The following COL23A1 variants were observed in gnomAD, a reference collection of about 807,000 sequenced individuals.
The protein encoded by COL23A1 is collagen alpha-1(XXIII) chain.
A neutral mutation model predicts 99.3 loss-of-function variants in COL23A1; 97 were observed. The observed-to-expected ratio is 0.98, with a 90% CI of 0.83 to 1.16. The LOEUF (loss-of-function observed/expected upper bound fraction) is 1.16. Among genes scored for constraint, COL23A1 ranks in the 50% most tolerant of loss-of-function variants. COL23A1 has a pLI of 0.00. For missense variants in COL23A1, 762 were observed against 757.4 expected (o/e 1.01, Z -0.07); for synonymous variants, 320 against 308.2 (o/e 1.04, Z -0.40).
Position 178,238,661 on chromosome 5 carries a change from C to G in COL23A1, c.*37G>C, listed in dbSNP as rs199586986. ...TGTTTTTACAAAAATTAAAAATGTC[C>G]ACACGGATCTGTACAGGTGTGAGCT... On this transcript the variant is annotated 3_prime_UTR_variant, in exon 29 of 29. Coordinates refer to ENST00000390654, the MANE Select transcript of COL23A1 (RefSeq NM_173465.4). The G allele has an allele frequency of 6.5e-5, 104 of 1,611,464 alleles. No individual in the cohort carries two copies. The African/African-American group carries it at 1.3e-3, about 20-fold the overall frequency.
At chr5:178,239,235 C>T (rs1382661713) in intron 27 of COL23A1, 56 bp from the exon 28 acceptor site, 10 of 1,582,590 alleles carry the variant, frequency 6.3e-6, no homozygotes, top group Non-Finnish European at 8.7e-6. Flanking sequence ...CTCCTCTACA[C>T]CCCACATGCC....
At chr5:178,398,039 A>C (rs1392953798) in intron 2 of COL23A1, among the ~76,000 whole-genome samples, 1 of 152,216 alleles carries the variant, frequency 6.6e-6, no homozygotes, top group East Asian at 1.9e-4. Context: ...ATGCTGTAAC[A>C]CTGCCTGGGT....
chr5:178,567,794 AGAAT>A (rs1181235742), intron 1 of COL23A1, among the ~76,000 whole-genome samples: 5 of 152,240 alleles, frequency 3.3e-5, no homozygotes, highest in African/African-American at 1.2e-4. Context: ...TATAACGCAA[AGAAT>A]AAATTAAATA....
intron 2 of COL23A1, among the ~76,000 whole-genome samples, chr5:178,537,431 C>A (rs544255745): frequency 6.6e-6 from 1 of 152,182 alleles, no homozygotes; most frequent in Non-Finnish European, 1.5e-5. Context: ...GAAGGGCAAG[C>A]GATATTTCCT....
rs1763751778 is a variant in COL23A1 at position 178,387,784 on chromosome 5, G to T, written c.362-80865C>A. 6.6e-6 allele frequency among the ~76,000 whole-genome samples: 1 copy of T among 152,230 alleles called. No individual in the cohort carries two copies. Among genetic ancestry groups the T allele is most frequent in the Non-Finnish European group, 1.5e-5 (1 of 68,026 alleles). Reference sequence around the variant, plus strand: ...GACAGTGTGGGCCATTTTCCCCCGCGCTGTGCTTGCGGAGTTTCCCACTCC... The same window carrying T: ...GACAGTGTGGGCCATTTTCCCCCGCTCTGTGCTTGCGGAGTTTCCCACTCC... On this transcript the variant is annotated intron_variant, in intron 2 of 28. Transcript: ENST00000390654. The surrounding 1 kb of genome is among the most constrained non-coding windows in gnomAD (Gnocchi z 4.7).
In COL23A1 at chr5:178,290,226, C is replaced by A. The variant is rs1445000651; in HGVS notation, c.414+136G>T. ...GGATTCCAGGCGTGAGCCACCGCACCTGGCCACTTTTTAATAGGACTGATG... is the reference window on the plus strand; with the variant it reads ...GGATTCCAGGCGTGAGCCACCGCACATGGCCACTTTTTAATAGGACTGATG... On this transcript the variant is annotated intron_variant, in intron 4 of 28. Transcript: ENST00000390654. 1.5e-5 allele frequency: 19 copies of A among 1,263,924 alleles called. No individual in the cohort carries two copies. In the Admixed American group the frequency reaches 2.5e-4, roughly 17 times the overall value. The allele number at this position is 1,263,924 out of a possible 1,614,324, so 78.3% of individuals were successfully genotyped here. A position where few individuals can be genotyped will look rare whatever the true frequency, so the allele number is the denominator to read the frequency against.
intron 2 of COL23A1, among the ~76,000 whole-genome samples, chr5:178,433,098 C>T (rs2127822168): frequency 6.6e-6 from 1 of 152,068 alleles, no homozygotes. Flanking sequence ...ACCAGAAGTC[C>T]CACAGTTCAG....
intron 16 of COL23A1, 104 bp downstream of exon 16, chr5:178,254,845 T>G (rs955610738): frequency 3.0e-6 from 3 of 993,950 alleles, no homozygotes; most frequent in Non-Finnish European, 4.7e-6. Flanking sequence ...AAGCTGCCTC[T>G]GGTCCCTTGT....
At position 178,453,946 on chromosome 5, in the gene COL23A1, G is replaced by A. The variant is rs115474602; in HGVS notation, c.361+106736C>T. On this transcript the variant is annotated intron_variant, in intron 2 of 28. Transcript: ENST00000390654. ...CAGGGCCTTTGGTCTAGGAGCAGGGGTATAGATATTGTGGCCAAAGTTTGT... is the reference window on the plus strand; with the variant it reads ...CAGGGCCTTTGGTCTAGGAGCAGGGATATAGATATTGTGGCCAAAGTTTGT... Among the ~76,000 whole-genome samples, 1,171 of 152,232 alleles carry A rather than the reference G, an allele frequency of 7.7e-3. 7 individuals are homozygous for A. Among genetic ancestry groups the A allele is most frequent in the Middle Eastern group, 0.014 (4 of 294 alleles).
chr5:178,543,658 G>A lies in COL23A1; in HGVS notation c.361+17024C>T, dbSNP rs972168910. On this transcript the variant is annotated intron_variant, in intron 2 of 28. Transcript: ENST00000390654. ...GGCGGAGGCAGATACCAGTACACCT[G>A]GGCCTGCATCTCTCAGCTCCTCCTC... Among the ~76,000 whole-genome samples the A allele has an allele frequency of 5.3e-5, 8 of 152,102 alleles. No homozygotes were observed. The East Asian group carries it at 9.6e-4, about 18-fold the overall frequency.
Position 178,366,072 on chromosome 5 carries a change from G to A in COL23A1, c.362-59153C>T, listed in dbSNP as rs2127713181. Among the ~76,000 whole-genome samples the A allele has an allele frequency of 6.6e-6, 1 of 152,278 alleles. No homozygotes were observed. The highest frequency in any genetic ancestry group is 2.1e-4 in the South Asian group (1 of 4,824). On this transcript the variant is annotated intron_variant, in intron 2 of 28. Transcript: ENST00000390654. The surrounding 1 kb of genome is among the most constrained non-coding windows in gnomAD (Gnocchi z 4.4). Reference sequence around the variant, plus strand: ...CGCCCCCAGTGCCAGGTGATCATCTGCCGCTGTGTCCTCAGCATCTGGCCC... The same window carrying A: ...CGCCCCCAGTGCCAGGTGATCATCTACCGCTGTGTCCTCAGCATCTGGCCC...
intron 2 of COL23A1, among the ~76,000 whole-genome samples, chr5:178,370,879 T>A (rs904645049): frequency 6.6e-6 from 1 of 152,124 alleles, no homozygotes; most frequent in African/African-American, 2.4e-5. Flanking sequence ...GAGGTCAAGG[T>A]TGCAGTGAGC....
intron 3 of COL23A1, among the ~76,000 whole-genome samples, chr5:178,301,765 G>A (rs1386481851): frequency 1.3e-5 from 2 of 152,274 alleles, no homozygotes; most frequent in Non-Finnish European, 2.9e-5. Flanking sequence ...CTGGCGGGCT[G>A]TGTGTGCTGG....
intron 5 of COL23A1, among the ~76,000 whole-genome samples, chr5:178,279,013 C>T (rs1389342571): frequency 6.6e-6 from 1 of 152,190 alleles, no homozygotes; most frequent in Non-Finnish European, 1.5e-5. Context: ...CAGGCAGAAG[C>T]CTCATCATCC....
rs1767700050 is a variant in COL23A1 at position 178,455,154 on chromosome 5, C to A, written c.361+105528G>T. 2.0e-5 allele frequency among the ~76,000 whole-genome samples: 3 copies of A among 152,236 alleles called. No homozygotes were observed. The South Asian group carries it at 6.2e-4, about 31-fold the overall frequency. ...AAAAGACCCTATTTCCAAATAAGGTCACATTCAGAGGAACTCCTGCAATCT... is the reference window on the plus strand; with the variant it reads ...AAAAGACCCTATTTCCAAATAAGGTAACATTCAGAGGAACTCCTGCAATCT... On this transcript the variant is annotated intron_variant, in intron 2 of 28. Coordinates refer to ENST00000390654, the MANE Select transcript of COL23A1 (RefSeq NM_173465.4).
At chr5:178,405,456 T>C (rs954931435) in intron 2 of COL23A1, among the ~76,000 whole-genome samples, 89 of 152,244 alleles carry the variant, frequency 5.8e-4, no homozygotes, top group Admixed American at 1.6e-3. Context: ...GCTTAAACAC[T>C]TTCATTATTA....
Position 178,450,270 on chromosome 5 carries a change from T to C in COL23A1, c.361+110412A>G, listed in dbSNP as rs1767410720. 2.0e-5 allele frequency among the ~76,000 whole-genome samples: 3 copies of C among 152,242 alleles called. 1 individual carries two copies. Among genetic ancestry groups the C allele is most frequent in the African/African-American group, 7.2e-5 (3 of 41,466 alleles). ...GTCCGCAAGGATCGTTTTCCCCTTC[T>C]TCTATGGTAAGAAAAACGTTAGGAT... On this transcript the variant is annotated intron_variant, in intron 2 of 28. Transcript: ENST00000390654.
chr5:178,398,309 A>G (rs1185021404), intron 2 of COL23A1, among the ~76,000 whole-genome samples: 1 of 152,184 alleles, frequency 6.6e-6, no homozygotes, highest in African/African-American at 2.4e-5. Flanking sequence ...CTCCAAAGAG[A>G]AAAAATTATT....
At chr5:178,389,777 T>C (rs1005890075) in intron 2 of COL23A1, among the ~76,000 whole-genome samples, 11 of 152,216 alleles carry the variant, frequency 7.2e-5, no homozygotes, top group African/African-American at 2.2e-4. Flanking sequence ...CCCTGTGGCC[T>C]TGGTGAGCCC....
Sources: gnomAD v4.1 joint callset for allele counts (sites outside exome capture counted in the v4.1 genomes callset) on GRCh38, gnomAD v4.1.1 for gene constraint, Gnocchi (gnomAD v3.1) non-coding constraint, MANE v1.5 for transcripts, NCBI Gene and HGNC (gene_info 2026-07-23, HGNC 2026-07-21) for gene names.